Variants in BMPER observed in about 807,000 individuals in gnomAD.
BMPER encodes the protein BMP binding endothelial regulator.
BMPER carries 45 observed loss-of-function variants against 87.3 expected under a neutral mutation model. That is an observed-to-expected ratio of 0.52 (90% CI 0.41 to 0.66). BMPER has a LOEUF of 0.66. Among genes scored for constraint, BMPER ranks in the 30% least tolerant of loss-of-function variants. The probability of loss-of-function intolerance (pLI) is 0.00; values close to 1 mark genes in which losing one functional copy is unlikely to be tolerated. For missense variants in BMPER, 784 were observed against 867.5 expected, an observed-to-expected ratio of 0.90 and a Z score of 1.21; for synonymous variants, 326 against 316.2, an observed-to-expected ratio of 1.03 and a Z score of -0.33.
intron 3 of BMPER, among the ~76,000 whole-genome samples, chr7:33,961,591 C>T (rs1419589469): frequency 6.6e-6 from 1 of 152,154 alleles, no homozygotes; most frequent in Non-Finnish European, 1.5e-5. Context: ...GGAGAGGTAA[C>T]TGGGAGAAAG....
At chr7:34,134,531 G>T (rs1790671839) in intron 13 of BMPER, among the ~76,000 whole-genome samples, 1 of 152,114 alleles carries the variant, frequency 6.6e-6, no homozygotes, top group East Asian at 1.9e-4. Flanking sequence ...ATCATGGTCA[G>T]TTTTTCCCTC....
intron 6 of BMPER, among the ~76,000 whole-genome samples, chr7:34,024,084 T>A (rs1010548945): frequency 6.6e-6 from 1 of 151,872 alleles, no homozygotes; most frequent in Non-Finnish European, 1.5e-5. Flanking sequence ...TTTACTTTCT[T>A]TATTTTTAAT....
chr7:33,933,601 A>T (rs1375549840), intron 2 of BMPER, among the ~76,000 whole-genome samples: 1 of 152,144 alleles, frequency 6.6e-6, no homozygotes, highest in African/African-American at 2.4e-5. Context: ...TGATAGGCAC[A>T]TCTCTGTTGA....
intron 6 of BMPER, among the ~76,000 whole-genome samples, chr7:33,987,105 G>A (rs1374283044): frequency 6.6e-6 from 1 of 152,002 alleles, no homozygotes; most frequent in Non-Finnish European, 1.5e-5. Context: ...TGCTATCTTG[G>A]TCTCTCCTCA....
At chr7:34,086,786 G>A (rs1335874481) in intron 13 of BMPER, among the ~76,000 whole-genome samples, 3 of 152,148 alleles carry the variant, frequency 2.0e-5, no homozygotes, top group Non-Finnish European at 2.9e-5. Context: ...TTTGACTTCC[G>A]CACTGCAAGG....
rs1790646092 is a variant in BMPER at position 34,133,546 on chromosome 7, T to TA, written c.1746-9684_1746-9683insA. 3.9e-5 allele frequency among the ~76,000 whole-genome samples: 6 copies of TA among 152,142 alleles called. No homozygotes were observed. The South Asian group carries it at 1.2e-3, about 32-fold the overall frequency. On this transcript the variant is annotated intron_variant, in intron 13 of 14. Transcript: ENST00000649409. ...GTAATCAACTGGGCAACTTAAGTGTTTCCCTGAGTCCTGTGAGTCACTCCA... is the reference window on the plus strand; with the variant it reads ...GTAATCAACTGGGCAACTTAAGTGTTATCCCTGAGTCCTGTGAGTCACTCCA...
intron 14 of BMPER, among the ~76,000 whole-genome samples, chr7:34,149,482 A>G (rs749083919): frequency 8.5e-5 from 13 of 152,182 alleles, no homozygotes; most frequent in Admixed American, 6.5e-5. Flanking sequence ...AAGAATCAGA[A>G]CTAATGGTAA....
At chr7:33,923,515 A>G (rs538594866) in intron 2 of BMPER, among the ~76,000 whole-genome samples, 7 of 152,324 alleles carry the variant, frequency 4.6e-5, no homozygotes, top group African/African-American at 1.7e-4. Context: ...GATAATTAGT[A>G]GTAGTGGGAG....
Position 33,981,039 on chromosome 7 carries a change from G to A in BMPER, c.576+6255G>A, listed in dbSNP as rs188101883. On this transcript the variant is annotated intron_variant, in intron 6 of 14. Coordinates refer to ENST00000649409, the MANE Select transcript of BMPER (RefSeq NM_001365308.1). The stretch of plus-strand genomic sequence containing the variant: ...AAGATGTTCTGAGCAGCCAGGCAGG[G>A]TCCAGCCTCTGTCAACTCTGTGACC... 2.4e-3 allele frequency among the ~76,000 whole-genome samples: 370 copies of A among 152,292 alleles called. 2 individuals carry two copies. Among genetic ancestry groups the A allele is most frequent in the African/African-American group, 8.4e-3 (349 of 41,566 alleles).
intron 11 of BMPER, among the ~76,000 whole-genome samples, chr7:34,067,068 C>T (rs577070377): frequency 4.6e-5 from 7 of 152,286 alleles, no homozygotes; most frequent in Admixed American, 1.3e-4. Context: ...TTGAATATGC[C>T]GAGCACAGAT....
At chr7:34,105,885 A>G (rs1217193386) in intron 13 of BMPER, among the ~76,000 whole-genome samples, 2 of 152,184 alleles carry the variant, frequency 1.3e-5, no homozygotes, top group Non-Finnish European at 2.9e-5. Flanking sequence ...CCATTTTCCC[A>G]AGGTGGCCCA....
In BMPER at chr7:34,046,301, C is replaced by A; in HGVS notation, c.577-5C>A. On this transcript the variant is annotated splice_region_variant and splice_polypyrimidine_tract_variant and intron_variant, in intron 6 of 14. Transcript: ENST00000649409. ...AATATGCTTTTTTTTTCTCTCTTTTCTTAGGGAGGCAGGACACAATGTGTG... is the reference window on the plus strand; with the variant it reads ...AATATGCTTTTTTTTTCTCTCTTTTATTAGGGAGGCAGGACACAATGTGTG... The A allele has an allele frequency of 6.2e-7, 1 of 1,612,462 alleles. No individual in the cohort carries two copies. The highest frequency in any genetic ancestry group is 1.1e-5 in the South Asian group (1 of 91,048).
At chr7:34,044,343 T>C (rs1179063739) in intron 6 of BMPER, among the ~76,000 whole-genome samples, 1 of 152,224 alleles carries the variant, frequency 6.6e-6, no homozygotes, top group Non-Finnish European at 1.5e-5. Context: ...GAAAAATAGA[T>C]GCTGATCCAA....
intron 2 of BMPER, among the ~76,000 whole-genome samples, chr7:33,914,175 C>T (rs1784033717): frequency 6.6e-6 from 1 of 151,960 alleles, no homozygotes; most frequent in Non-Finnish European, 1.5e-5. Context: ...CCGTGTTAGC[C>T]AGGATGGTCT....
chr7:34,079,989 A>G (rs1318587792), intron 12 of BMPER, among the ~76,000 whole-genome samples: 1 of 152,216 alleles, frequency 6.6e-6, no homozygotes, highest in Admixed American at 6.5e-5. Flanking sequence ...GCCCCAGAGC[A>G]TAAATTCAGC....
intron 4 of BMPER, among the ~76,000 whole-genome samples, chr7:33,967,963 ATTATATGGGAGGGACTATTTTGT>A (rs975615999): frequency 6.6e-6 from 1 of 152,160 alleles, no homozygotes; most frequent in African/African-American, 2.4e-5. Flanking sequence ...AGTAGAAGCT[ATTATATGGGAGGGACTATTTTGT>A]TGACTGAATA....
chr7:33,971,972 G>A (rs1034552297), intron 5 of BMPER, among the ~76,000 whole-genome samples: 1 of 151,418 alleles, frequency 6.6e-6, no homozygotes, highest in African/African-American at 2.4e-5. Flanking sequence ...GTGTGATCTC[G>A]GCTCACTGCA....
chr7:33,922,051 T>C (rs1226007288), intron 2 of BMPER: 2 of 338,190 alleles, frequency 5.9e-6, no homozygotes, highest in African/African-American at 4.3e-5. Flanking sequence ...TCTCTCCCTT[T>C]TGCTGCCCTG....
Position 34,009,968 on chromosome 7 carries a change from A to T in BMPER, c.576+35184A>T, listed in dbSNP as rs541610729. ...GAAGGTGACCTTCTAGGTAATTATG[A>T]TGAGATACCATGTTTTTCCCAGCTT... is the stretch of plus-strand genomic sequence containing the variant. On this transcript the variant is annotated intron_variant, in intron 6 of 14. Coordinates refer to ENST00000649409, the MANE Select transcript of BMPER (RefSeq NM_001365308.1). Among the ~76,000 whole-genome samples, 3 of 152,066 alleles carry T rather than the reference A, an allele frequency of 2.0e-5. No individual in the cohort carries two copies. The East Asian group carries it at 5.8e-4, about 30-fold the overall frequency.
Sources: gnomAD v4.1 joint callset for allele counts (sites outside exome capture counted in the v4.1 genomes callset) on GRCh38, gnomAD v4.1.1 for gene constraint, MANE v1.5 for transcripts, NCBI Gene and HGNC (gene_info 2026-07-23, HGNC 2026-07-21) for gene names.